Variants in SLF2 observed in about 807,000 individuals in gnomAD.
The protein encoded by SLF2 is SMC5/6 complex localization factor 2.
A neutral mutation model predicts 124.3 loss-of-function variants in SLF2; 68 were observed. The ratio of observed to expected loss-of-function variants is 0.55; its 90% CI spans 0.45 to 0.67. The LOEUF (loss-of-function observed/expected upper bound fraction) is 0.67. SLF2 is among the 30% of genes least tolerant of loss of function. The pLI is 0.00. For missense variants in SLF2, 1,246 were observed against 1,373.7 expected (o/e 0.91, Z 1.47); for synonymous variants, 480 against 478.8 (o/e 1.00, Z -0.03).
intron 12 of SLF2, 21 bp from the exon 13 acceptor site, chr10:100,945,309 C>T (rs1319925777): frequency 1.3e-6 from 2 of 1,523,856 alleles, no homozygotes; most frequent in Admixed American, 2.6e-5. Context: ...ATATTTTTGT[C>T]TGTGCATTTA....
In SLF2 at chr10:100,963,106, C is replaced by G. The variant is rs1483965546; in HGVS notation, c.*1194C>G. On this transcript the variant is annotated 3_prime_UTR_variant, in exon 20 of 20. Coordinates refer to ENST00000238961, the MANE Select transcript of SLF2 (RefSeq NM_018121.4). ...ATGCCAACTTTTTTTGTTGTTCTTT[C>G]AGTATTGGCTTGAGTGACCTGTTCT... is the stretch of plus-strand genomic sequence containing the variant. 6.6e-6 allele frequency: 1 copy of G among 152,416 alleles called. No homozygotes were observed. The highest frequency in any genetic ancestry group is 6.6e-5 in the Admixed American group (1 of 15,244). The allele number at this position is 152,416 out of a possible 1,614,324, so 9.4% of individuals were successfully genotyped here. A position where few individuals can be genotyped will look rare whatever the true frequency, so the allele number is the denominator to read the frequency against.
intron 11 of SLF2, among the ~76,000 whole-genome samples, chr10:100,941,551 A>G (rs931185630): frequency 1.3e-5 from 2 of 152,088 alleles, no homozygotes; most frequent in Non-Finnish European, 2.9e-5. Flanking sequence ...TCCACCTGCA[A>G]GGTATTATTT....
At chr10:100,913,718 T>G in intron 1 of SLF2, 1 of 991,162 alleles carries the variant, frequency 1.0e-6, no homozygotes, top group Non-Finnish European at 1.2e-6. Context: ...CGCTAGTTCA[T>G]ACTTAAAAGA....
At chr10:100,954,937 C>A (rs186467094) in intron 17 of SLF2, among the ~76,000 whole-genome samples, 1 of 138,104 alleles carries the variant, frequency 7.2e-6, no homozygotes, top group African/African-American at 2.9e-5. Flanking sequence ...CAAGGCAAGA[C>A]TCTCTTTTTT....
At chr10:100,953,925 T>TA (rs1341010313) in intron 17 of SLF2, among the ~76,000 whole-genome samples, 5 of 152,014 alleles carry the variant, frequency 3.3e-5, no homozygotes, top group Non-Finnish European at 7.4e-5. Context: ...GTGCTGGTAT[T>TA]ACAGGCGTGA....
chr10:100,946,756 G>T (rs1241785309), intron 13 of SLF2, among the ~76,000 whole-genome samples: 1 of 152,176 alleles, frequency 6.6e-6, no homozygotes, highest in Non-Finnish European at 1.5e-5. Context: ...TTCCAAGAAG[G>T]ACTGTTTAAA....
At chr10:100,925,172 CTT>C (rs1270384289) in intron 5 of SLF2, among the ~76,000 whole-genome samples, 200 bp downstream of exon 5, 2 of 152,152 alleles carry the variant, frequency 1.3e-5, no homozygotes, top group Non-Finnish European at 2.9e-5. Context: ...TCTCCAAACT[CTT>C]TTGATCACAC....
At chr10:100,947,197 T>C in intron 14 of SLF2, 61 bp downstream of exon 14, 1 of 960,332 alleles carries the variant, frequency 1.0e-6, no homozygotes, top group Non-Finnish European at 1.5e-6. Context: ...ATGAAATGCC[T>C]TGGGTTGTTT....
At chr10:100,953,912 A>C (rs1276490497) in intron 17 of SLF2, among the ~76,000 whole-genome samples, 1 of 151,926 alleles carries the variant, frequency 6.6e-6, no homozygotes, top group African/African-American at 2.4e-5. Flanking sequence ...TCAGCCTCCC[A>C]AAGTGCTGGT....
At chr10:100,945,153 C>A (rs777169969) in intron 12 of SLF2, among the ~76,000 whole-genome samples, 177 bp from the exon 13 acceptor site, 11 of 152,130 alleles carry the variant, frequency 7.2e-5, no homozygotes, top group Non-Finnish European at 1.5e-4. Flanking sequence ...GAAGAAAATG[C>A]CACTTAATTC....
rs771371903 is a variant in SLF2, at chr10:100,923,997, C to T, written c.996C>T (p.Phe332=). ...TAGCAGGCTCTAAGCAGAATAAATT[C>T]CCTGAAAAAAGAAAAAGGAACTCTG... ...PTSAGSKQNK[F]PEKRKRNSVD... The change falls in exon 5 of 20, where the codon TTC becomes TTT. Residue 332 remains phenylalanine (F), a synonymous_variant. Coordinates refer to ENST00000238961, the MANE Select transcript of SLF2 (RefSeq NM_018121.4). The T allele has an allele frequency of 3.7e-5, 57 of 1,550,300 alleles. No homozygotes were observed. In the Admixed American group the frequency reaches 1.2e-3, roughly 33 times the overall value.
intron 4 of SLF2, 147 bp from the exon 5 acceptor site, chr10:100,923,828 C>A: frequency 1.9e-6 from 1 of 535,086 alleles, no homozygotes; most frequent in Non-Finnish European, 2.9e-6. Flanking sequence ...ATAAGTAACT[C>A]TTTTTCTGCA....
intron 17 of SLF2, among the ~76,000 whole-genome samples, chr10:100,955,191 C>T (rs371518446): frequency 2.0e-5 from 3 of 151,574 alleles, no homozygotes; most frequent in African/African-American, 4.9e-5. Context: ...CTGCCCGCCT[C>T]GGCCTCCCAA....
chr10:100,944,031 A>G lies in SLF2; in HGVS notation c.2660A>G (p.Glu887Gly). 6.2e-7 allele frequency: 1 copy of G among 1,607,950 alleles called. No homozygotes were observed. Among genetic ancestry groups the G allele is most frequent in the East Asian group, 2.2e-5 (1 of 44,768 alleles). ...CTTTACTCACTTCTCAATAGTTCTG[A>G]AACACAGACAACATCAAGGGGGAAA... ...PDFNEDYLVS[E>G]TQTTSRGKES... Residue 887 changes from glutamate (E) to glycine (G), a missense_variant, in exon 12 of 20, where the codon GAA becomes GGA. Physicochemically the swap from Glu to Gly is moderately conservative, Grantham distance 98 (BLOSUM62 -2). This residue lies in a region of SLF2 where 535 missense variants were observed against 632.8 expected (regional missense o/e 0.85). Coordinates refer to ENST00000238961, the MANE Select transcript of SLF2 (RefSeq NM_018121.4).
intron 11 of SLF2, among the ~76,000 whole-genome samples, chr10:100,942,352 G>A (rs1428365408): frequency 6.6e-6 from 1 of 152,132 alleles, no homozygotes; most frequent in Non-Finnish European, 1.5e-5. Flanking sequence ...ACAGAACTCA[G>A]GAAAGCAGTT....
At chr10:100,945,956 A>C (rs1483733908) in intron 13 of SLF2, among the ~76,000 whole-genome samples, 3 of 152,230 alleles carry the variant, frequency 2.0e-5, no homozygotes, top group Non-Finnish European at 4.4e-5. Context: ...TGGCAGGGAA[A>C]GGCCTTTCCA....
At chr10:100,928,851 TGTG>T (rs777239785) in intron 6 of SLF2, among the ~76,000 whole-genome samples, 1 of 152,192 alleles carries the variant, frequency 6.6e-6, no homozygotes, top group Non-Finnish European at 1.5e-5. Flanking sequence ...TGTTAGGTGT[TGTG>T]ATGATGATGA....
chr10:100,948,338 GT>G (rs767173496), intron 15 of SLF2, among the ~76,000 whole-genome samples: 2 of 152,154 alleles, frequency 1.3e-5, no homozygotes, highest in African/African-American at 2.4e-5. Context: ...GGATAAACAT[GT>G]CCAGCTGTTG....
intron 9 of SLF2, among the ~76,000 whole-genome samples, chr10:100,932,675 AGAG>A (rs1849760878): frequency 1.3e-5 from 2 of 150,922 alleles, no homozygotes; most frequent in South Asian, 2.1e-4. Flanking sequence ...ATGCTAATGT[AGAG>A]GAGACAAACA....
Sources: allele counts gnomAD v4.1 joint callset (sites outside exome capture counted in the v4.1 genomes callset), GRCh38; gene constraint gnomAD v4.1.1; regional missense constraint gnomAD v4.1.1; transcripts MANE v1.5; gene names NCBI Gene and HGNC (gene_info 2026-07-23, HGNC 2026-07-21).